CSMD1: variants seen among roughly 807,000 people sequenced by gnomAD.
CSMD1 encodes the protein CUB and sushi domain-containing protein 1.
A neutral mutation model predicts 417.5 loss-of-function variants in CSMD1; 213 were observed. That is an observed-to-expected ratio of 0.51 (90% confidence interval 0.46 to 0.57). The LOEUF is 0.57. Ranked by LOEUF, CSMD1 falls within the 20% of genes least tolerant of loss-of-function variation. The pLI, the probability that CSMD1 is intolerant of heterozygous loss-of-function variation, is 0.00. For missense variants in CSMD1, 6,923 were observed against 4,529.7 expected (o/e 1.53, Z -15.17); for synonymous variants, 2,862 against 1,736.8 (o/e 1.65, Z -16.11).
In CSMD1 at chr8:4,956,988, T is replaced by C. The variant is rs531408023; in HGVS notation, c.85+37344A>G. ...AGCCTAACCATGCTCCTGATTCTTG[T>C]GTCTGCTGAAGCAGAATCCTAAGTC... On this transcript the variant is annotated intron_variant, in intron 1 of 69. Transcript: ENST00000635120. Among the ~76,000 whole-genome samples, 12 of 152,344 alleles carry C rather than the reference T, an allele frequency of 7.9e-5. No individual in the cohort carries two copies. The South Asian group carries it at 1.9e-3, about 24-fold the overall frequency.
intron 1 of CSMD1, among the ~76,000 whole-genome samples, chr8:4,828,406 G>A (rs529521363): frequency 2.0e-5 from 3 of 152,240 alleles, no homozygotes; most frequent in South Asian, 4.1e-4. Flanking sequence ...GTTATTTGAT[G>A]ACATAACCAC....
rs1354398168 is a variant in CSMD1, at chr8:3,574,992, C to T, written c.1297G>A (p.Asp433Asn). Residue 433 changes from aspartate (D) to asparagine (N), a missense_variant, in exon 10 of 70, where the codon GAT (aspartate) becomes AAT (asparagine). Coordinates refer to ENST00000635120, the MANE Select transcript of CSMD1 (RefSeq NM_033225.6). ...TSPNYPVQYE[D>N]NAHCVWVITT... ...ATGACCCACACACAGTGTGCATTATCTTCATACTGAACCGGATAATTAGGG... is the reference window on the plus strand; with the variant it reads ...ATGACCCACACACAGTGTGCATTATTTTCATACTGAACCGGATAATTAGGG... The T allele has an allele frequency of 1.9e-6, 3 of 1,613,256 alleles. No individual in the cohort carries two copies. Among genetic ancestry groups the T allele is most frequent in the Non-Finnish European group, 2.5e-6 (3 of 1,179,778 alleles).
At chr8:4,975,311 T>C (rs1810487131) in intron 1 of CSMD1, among the ~76,000 whole-genome samples, 2 of 152,210 alleles carry the variant, frequency 1.3e-5, no homozygotes, top group Admixed American at 1.3e-4. Flanking sequence ...AGAGAGACTG[T>C]AGATTATTGA....
intron 5 of CSMD1, among the ~76,000 whole-genome samples, chr8:3,977,011 G>A (rs900656624): frequency 6.6e-6 from 1 of 152,142 alleles, no homozygotes; most frequent in African/African-American, 2.4e-5. Flanking sequence ...GGGCGTGAAG[G>A]TGCCTGCAGG....
intron 3 of CSMD1, among the ~76,000 whole-genome samples, chr8:4,085,738 A>T (rs1800384537): frequency 6.6e-6 from 1 of 152,214 alleles, no homozygotes; most frequent in African/African-American, 2.4e-5. Context: ...CCTAATAGTA[A>T]AAATGGAGGG....
Position 4,211,816 on chromosome 8 carries a change from A to C in CSMD1, c.416-179717T>G, listed in dbSNP as rs76180791. On this transcript the variant is annotated intron_variant, in intron 3 of 69. Transcript: ENST00000635120. The stretch of plus-strand genomic sequence containing the variant: ...TACATACTTCTGGACTTTAGATGAT[A>C]ATTTTTCAGTAGGAGTCTTTGAGGG... 1.1e-3 allele frequency among the ~76,000 whole-genome samples: 175 copies of C among 152,298 alleles called. 3 individuals are homozygous for C. In the East Asian group the frequency reaches 0.032, roughly 28 times the overall value.
chr8:4,974,535 G>C (rs981138264), intron 1 of CSMD1, among the ~76,000 whole-genome samples: 9 of 151,968 alleles, frequency 5.9e-5, no homozygotes, highest in Admixed American at 3.9e-4. Flanking sequence ...TAACGTGAGA[G>C]TTAGTTCAGG....
At chr8:4,448,470 T>A (rs1039621728) in intron 2 of CSMD1, among the ~76,000 whole-genome samples, 1 of 152,174 alleles carries the variant, frequency 6.6e-6, no homozygotes, top group African/African-American at 2.4e-5. Flanking sequence ...TTAAATACTT[T>A]CCCAGACAAC....
chr8:4,766,598 T>C (rs1812481301), intron 1 of CSMD1, among the ~76,000 whole-genome samples: 1 of 152,204 alleles, frequency 6.6e-6, no homozygotes, highest in Non-Finnish European at 1.5e-5. Context: ...GGGCATTTAT[T>C]GCGTGTTTAC....
At chr8:2,970,785 T>C (rs1804394383) in intron 57 of CSMD1, among the ~76,000 whole-genome samples, 1 of 152,214 alleles carries the variant, frequency 6.6e-6, no homozygotes, top group Non-Finnish European at 1.5e-5. Flanking sequence ...TACAGATACA[T>C]TAAGCTACTG....
intron 1 of CSMD1, among the ~76,000 whole-genome samples, chr8:4,764,800 G>A (rs1234461395): frequency 1.4e-5 from 2 of 147,714 alleles, no homozygotes; most frequent in Non-Finnish European, 3.0e-5. Context: ...GTGAACCCAG[G>A]AGGCAGAGCT....
intron 6 of CSMD1, among the ~76,000 whole-genome samples, chr8:3,727,440 A>AG (rs1802558414): frequency 6.6e-6 from 1 of 152,182 alleles, no homozygotes; most frequent in Admixed American, 6.5e-5. Flanking sequence ...CTAATATTCT[A>AG]ACATGAGGGT....
intron 26 of CSMD1, among the ~76,000 whole-genome samples, chr8:3,256,475 G>C (rs1226839601): frequency 6.6e-6 from 1 of 152,152 alleles, no homozygotes. Flanking sequence ...TGATGCTTCA[G>C]ATCTAGCTAC....
At chr8:3,990,830 G>A (rs1435761833) in intron 5 of CSMD1, among the ~76,000 whole-genome samples, 1 of 152,120 alleles carries the variant, frequency 6.6e-6, no homozygotes, top group Non-Finnish European at 1.5e-5. Context: ...ATACGCTCCT[G>A]GTAGTGAATC....
intron 2 of CSMD1, among the ~76,000 whole-genome samples, chr8:4,486,261 A>ATATATACATACATATATATATG (rs1801411366): frequency 7.3e-6 from 1 of 137,328 alleles, no homozygotes; most frequent in Admixed American, 7.4e-5. Context: ...ATATATATAT[A>ATATATACATACATATATATATG]TATATATATA....
chr8:4,205,768 T>A (rs778958633), intron 3 of CSMD1, among the ~76,000 whole-genome samples: 1 of 152,180 alleles, frequency 6.6e-6, no homozygotes, highest in Non-Finnish European at 1.5e-5. Context: ...GTTTGGGCCA[T>A]AGAAGAAATA....
At chr8:3,442,519 C>T (rs1815051262) in intron 12 of CSMD1, among the ~76,000 whole-genome samples, 1 of 152,160 alleles carries the variant, frequency 6.6e-6, no homozygotes, top group African/African-American at 2.4e-5. Context: ...CTTCTTGTTA[C>T]AATTGCCTGT....
intron 1 of CSMD1, among the ~76,000 whole-genome samples, chr8:4,793,569 T>A (rs1797809365): frequency 6.6e-6 from 1 of 151,986 alleles, no homozygotes; most frequent in South Asian, 2.1e-4. Flanking sequence ...TATCATTTAC[T>A]GATACAAACT....
chr8:4,079,821 G>T (rs80096555), intron 3 of CSMD1, among the ~76,000 whole-genome samples: 4 of 152,144 alleles, frequency 2.6e-5, no homozygotes, highest in Non-Finnish European at 5.9e-5. Flanking sequence ...CATCACGAGA[G>T]AAAACAGTAG....
Sources: allele counts gnomAD v4.1 joint callset (sites outside exome capture counted in the v4.1 genomes callset), GRCh38; gene constraint gnomAD v4.1.1; transcripts MANE v1.5; gene names NCBI Gene and HGNC (gene_info 2026-07-23, HGNC 2026-07-21).